Variants in SNX29 observed in about 807,000 individuals in gnomAD.
SNX29 encodes sorting nexin 29, also known as sorting nexin-29.
In SNX29, 78 loss-of-function variants were observed where a neutral mutation model predicts 102.1. That is an observed-to-expected ratio of 0.76 (90% confidence interval 0.64 to 0.92). SNX29 has a LOEUF of 0.92. Among genes scored for constraint, SNX29 ranks in the 40% least tolerant of loss-of-function variants. The pLI, the probability that SNX29 is intolerant of heterozygous loss-of-function variation, is 0.00. For synonymous variants in SNX29, 580 were observed against 414.5 expected (o/e 1.40, Z -4.85); for missense variants, 1,280 against 1,061.7 (o/e 1.21, Z -2.86).
At chr16:12,227,355 C>T (rs186127067) in intron 14 of SNX29, among the ~76,000 whole-genome samples, 8 of 152,286 alleles carry the variant, frequency 5.3e-5, no homozygotes, top group South Asian at 2.1e-4. Context: ...CCAGTGACAA[C>T]GTGGAGTGGC....
At chr16:12,236,356 T>C (rs1283509618) in intron 14 of SNX29, among the ~76,000 whole-genome samples, 1 of 152,222 alleles carries the variant, frequency 6.6e-6, no homozygotes, top group Non-Finnish European at 1.5e-5. Flanking sequence ...TTGACCCTTC[T>C]GTTGAGGGTG....
intron 20 of SNX29, among the ~76,000 whole-genome samples, chr16:12,539,752 A>G (rs1597827106): frequency 6.6e-6 from 1 of 152,172 alleles, no homozygotes; most frequent in African/African-American, 2.4e-5. Flanking sequence ...ATATTTCATC[A>G]TGGTCTTAAT....
At chr16:12,155,140 C>T (rs1024070260) in intron 13 of SNX29, among the ~76,000 whole-genome samples, 3 of 152,140 alleles carry the variant, frequency 2.0e-5, no homozygotes, top group Non-Finnish European at 4.4e-5. Flanking sequence ...GTTGGTTGCC[C>T]CACCACCCCT....
At chr16:12,455,714 CA>C in intron 18 of SNX29, among the ~76,000 whole-genome samples, 2 of 152,338 alleles carry the variant, frequency 1.3e-5, no homozygotes, top group Admixed American at 1.3e-4. Context: ...CAGAGACTTG[CA>C]TATGCAGACC....
Position 12,276,404 on chromosome 16 carries a change from G to A in SNX29, c.1679-1529G>A, listed in dbSNP as rs187284586. The stretch of plus-strand genomic sequence containing the variant: ...TCACTCAGGGTCTTGAGCCTTCGGC[G>A]GGCTCTAACAGTGTGGTCTGAGGAG... On this transcript the variant is annotated intron_variant, in intron 14 of 20. Coordinates refer to ENST00000566228, the MANE Select transcript of SNX29 (RefSeq NM_032167.5). Among the ~76,000 whole-genome samples, 172 of 152,228 alleles carry A rather than the reference G, an allele frequency of 1.1e-3. 2 individuals are homozygous for A. The highest frequency in any genetic ancestry group is 3.5e-3 in the African/African-American group (147 of 41,528).
intron 13 of SNX29, among the ~76,000 whole-genome samples, chr16:12,190,285 C>G (rs576465473): frequency 6.6e-6 from 1 of 151,942 alleles, no homozygotes; most frequent in African/African-American, 2.4e-5. Context: ...CTGACCACAC[C>G]GAGACTCCAT....
At chr16:12,365,326 T>TTGTG (rs58869867) in intron 16 of SNX29, among the ~76,000 whole-genome samples, 67,755 of 139,616 alleles carry the variant, frequency 0.49, 17,322 homozygotes, top group Middle Eastern at 0.62. Context: ...ACATCAGGAT[T>TTGTG]TGTGTGTGTG....
At chr16:12,011,014 G>T (rs1291435685) in intron 3 of SNX29, among the ~76,000 whole-genome samples, 1 of 151,932 alleles carries the variant, frequency 6.6e-6, no homozygotes, top group Non-Finnish European at 1.5e-5. Context: ...ACTAGTTTGA[G>T]GTGTTGACTG....
chr16:12,522,898 C>T (rs547309853), intron 19 of SNX29, among the ~76,000 whole-genome samples: 2 of 152,302 alleles, frequency 1.3e-5, no homozygotes, highest in African/African-American at 4.8e-5. Context: ...GTGCACTCTA[C>T]CTCTCGGGCT....
intron 18 of SNX29, among the ~76,000 whole-genome samples, chr16:12,423,850 G>A (rs958360657): frequency 5.3e-5 from 8 of 152,220 alleles, no homozygotes; most frequent in Non-Finnish European, 1.2e-4. Context: ...GGGATTACAG[G>A]CGTGAGCTAC....
In SNX29 at chr16:12,334,921, T is replaced by TTTTA. The variant is rs56233203; in HGVS notation, c.1783-21242_1783-21241insTTTA. On this transcript the variant is annotated intron_variant, in intron 15 of 20. Coordinates refer to ENST00000566228, the MANE Select transcript of SNX29 (RefSeq NM_032167.5). The stretch of plus-strand genomic sequence containing the variant: ...AGAGCCTTTTTTTTTTTTTTTTTTT[T>TTTTA]AAAAAGCAACAGTCTTTCAAATTTG... 5.0e-4 allele frequency among the ~76,000 whole-genome samples: 75 copies of TTTTA among 149,298 alleles called. 3 individuals carry two copies. The East Asian group carries it at 9.6e-3, about 19-fold the overall frequency.
At chr16:12,468,003 G>T (rs2087141612) in intron 18 of SNX29, among the ~76,000 whole-genome samples, 1 of 151,844 alleles carries the variant, frequency 6.6e-6, no homozygotes, top group Admixed American at 6.6e-5. Context: ...TCCCGGACCG[G>T]GCCCTGGTCA....
chr16:11,976,788 C>G lies in SNX29; in HGVS notation c.-19C>G. 2.2e-6 allele frequency: 3 copies of G among 1,357,190 alleles called. No individual in the cohort carries two copies. Among genetic ancestry groups the G allele is most frequent in the Non-Finnish European group, 2.8e-6 (3 of 1,053,608 alleles). 84.1% of individuals were successfully genotyped at this position (1,357,190 alleles called of 1,614,324 possible). ...AGCGGCGGCGGCGCGGCGCAGGCAC[C>G]GGCCCGGGGAGAGGCACCATGAGCG... On this transcript the variant is annotated 5_prime_UTR_variant, in exon 1 of 21. Transcript: ENST00000566228.
intron 1 of SNX29, among the ~76,000 whole-genome samples, chr16:11,989,847 G>T (rs558907610): frequency 1.3e-5 from 2 of 152,248 alleles, no homozygotes; most frequent in African/African-American, 4.8e-5. Context: ...ACCCTCTGCA[G>T]GAAGGCTTCT....
At chr16:12,454,398 C>G (rs1376130038) in intron 18 of SNX29, among the ~76,000 whole-genome samples, 1 of 152,196 alleles carries the variant, frequency 6.6e-6, no homozygotes, top group Non-Finnish European at 1.5e-5. Context: ...TATTTTGGAA[C>G]CAAATGCGAT....
At chr16:12,293,933 G>A (rs1386697746) in intron 15 of SNX29, among the ~76,000 whole-genome samples, 4 of 152,220 alleles carry the variant, frequency 2.6e-5, no homozygotes, top group Non-Finnish European at 4.4e-5. Flanking sequence ...TCTGTGTGGC[G>A]GTATTACTCT....
chr16:12,251,763 T>A (rs976708945), intron 14 of SNX29, among the ~76,000 whole-genome samples: 2 of 150,596 alleles, frequency 1.3e-5, no homozygotes, highest in Non-Finnish European at 3.0e-5. Flanking sequence ...TTTGTTTTAA[T>A]TTTTTTTTTC....
At chr16:12,279,939 G>T (rs2079379168) in intron 15 of SNX29, among the ~76,000 whole-genome samples, 1 of 152,192 alleles carries the variant, frequency 6.6e-6, no homozygotes, top group African/African-American at 2.4e-5. Context: ...CTCAGTGAGG[G>T]TGCCTACTTC....
rs193161115 is a variant in SNX29 at position 12,562,903 on chromosome 16, G to A, written c.2319-5603G>A. On this transcript the variant is annotated intron_variant, in intron 20 of 20. Transcript: ENST00000566228. The stretch of plus-strand genomic sequence containing the variant: ...TCTAGTTTTGGGAATTTGACGATGT[G>A]CTTGAGATTCGTCCATGTTGCCAAA... 2.6e-5 allele frequency among the ~76,000 whole-genome samples: 4 copies of A among 152,220 alleles called. 1 individual carries two copies. The East Asian group carries it at 5.8e-4, about 22-fold the overall frequency.
Sources: gnomAD v4.1 joint callset for allele counts (sites outside exome capture counted in the v4.1 genomes callset) on GRCh38, gnomAD v4.1.1 for gene constraint, MANE v1.5 for transcripts, NCBI Gene and HGNC (gene_info 2026-07-23, HGNC 2026-07-21) for gene names.